FAT3: variants seen among roughly 807,000 people sequenced by gnomAD.
FAT3 encodes the protein FAT atypical cadherin 3.
In FAT3, 95 loss-of-function variants were observed where a neutral mutation model predicts 310.2. The ratio of observed to expected loss-of-function variants is 0.31; its 90% confidence interval spans 0.26 to 0.36. FAT3 has a LOEUF of 0.36. Ranked by LOEUF, FAT3 falls within the 10% of genes least tolerant of loss-of-function variation. The probability of loss-of-function intolerance (pLI) is 1.00; values close to 1 mark genes in which losing one functional copy is unlikely to be tolerated. For synonymous variants in FAT3, 2,314 were observed against 2,192.9 expected (o/e 1.06, Z -1.54); for missense variants, 5,408 against 5,715.6 (o/e 0.95, Z 1.74).
intron 1 of FAT3, among the ~76,000 whole-genome samples, chr11:92,228,567 C>G (rs1478771911): frequency 6.6e-6 from 1 of 152,188 alleles, no homozygotes; most frequent in Non-Finnish European, 1.5e-5. Flanking sequence ...CTTAGCTAAT[C>G]TGGCTGATGA....
At chr11:92,461,663 A>G (rs1951641817) in intron 2 of FAT3, among the ~76,000 whole-genome samples, 1 of 152,106 alleles carries the variant, frequency 6.6e-6, no homozygotes, top group African/African-American at 2.4e-5. Flanking sequence ...AAAGTTAAAA[A>G]CAGATTGGCT....
intron 2 of FAT3, among the ~76,000 whole-genome samples, chr11:92,436,700 C>T (rs1950947587): frequency 1.3e-5 from 2 of 152,164 alleles, no homozygotes; most frequent in South Asian, 4.1e-4. Context: ...AGACAAGCCT[C>T]TGGCTCGATG....
At chr11:92,305,252 G>C (rs1947090838) in intron 1 of FAT3, among the ~76,000 whole-genome samples, 1 of 152,082 alleles carries the variant, frequency 6.6e-6, no homozygotes, top group Non-Finnish European at 1.5e-5. Flanking sequence ...AGCTATGTTG[G>C]TTTCAGAGTA....
At chr11:92,377,658 C>T (rs763091048) in intron 2 of FAT3, among the ~76,000 whole-genome samples, 3 of 152,132 alleles carry the variant, frequency 2.0e-5, no homozygotes, top group Non-Finnish European at 2.9e-5. Context: ...TCCTCTCATT[C>T]CTTATTTCTG....
intron 7 of FAT3, among the ~76,000 whole-genome samples, chr11:92,781,048 A>G (rs1326689922): frequency 8.4e-6 from 1 of 119,164 alleles, no homozygotes; most frequent in African/African-American, 2.9e-5. Flanking sequence ...TTTAAGTAAT[A>G]AGGTTCTTTT....
chr11:92,882,734 G>T lies in FAT3; in HGVS notation c.12282-4G>T. The stretch of plus-strand genomic sequence containing the variant: ...GGTGGGGAGGGGCTTCTGTGTCGCC[G>T]CAGGTGTGAGGAGGACATCAATGAG... On this transcript the variant is annotated splice_region_variant and splice_polypyrimidine_tract_variant and intron_variant, in intron 23 of 27. Coordinates refer to ENST00000525166, the MANE Select transcript of FAT3 (RefSeq NM_001367949.2). 6.3e-7 allele frequency: 1 copy of T among 1,589,604 alleles called. No individual in the cohort carries two copies. Among genetic ancestry groups the T allele is most frequent in the Non-Finnish European group, 8.6e-7 (1 of 1,165,600 alleles).
At chr11:92,540,609 A>G (rs1483056002) in intron 3 of FAT3, among the ~76,000 whole-genome samples, 2 of 152,188 alleles carry the variant, frequency 1.3e-5, no homozygotes, top group Non-Finnish European at 1.5e-5. Context: ...CTTGGATTTC[A>G]GTAATTTCTG....
At position 92,826,885 on chromosome 11, in the gene FAT3, A is replaced by G. The variant is rs571361331; in HGVS notation, c.9482-4737A>G. On this transcript the variant is annotated intron_variant, in intron 13 of 27. Transcript: ENST00000525166. Reference sequence around the variant, plus strand: ...GTCAGGGCAGCTGCCAGCACAAGACACCAAACCAGGCAGAACATAGCTCTT... The same window carrying G: ...GTCAGGGCAGCTGCCAGCACAAGACGCCAAACCAGGCAGAACATAGCTCTT... 3.5e-3 allele frequency among the ~76,000 whole-genome samples: 526 copies of G among 152,308 alleles called. 3 individuals are homozygous for G. The highest frequency in any genetic ancestry group is 0.012 in the African/African-American group (502 of 41,562).
chr11:92,506,196 C>T (rs780646799), intron 2 of FAT3, among the ~76,000 whole-genome samples: 20 of 152,138 alleles, frequency 1.3e-4, no homozygotes, highest in Non-Finnish European at 8.8e-5. Flanking sequence ...TTTTTGCAAA[C>T]CTTTCTGTTG....
chr11:92,589,415 C>T (rs1439091001), intron 3 of FAT3, among the ~76,000 whole-genome samples: 1 of 152,008 alleles, frequency 6.6e-6, no homozygotes, highest in African/African-American at 2.4e-5. Flanking sequence ...TGTCAAAGGA[C>T]ACATGACTAG....
intron 13 of FAT3, among the ~76,000 whole-genome samples, chr11:92,825,183 T>C (rs1948071822): frequency 6.6e-6 from 1 of 152,222 alleles, no homozygotes. Flanking sequence ...ACTGTGTGCA[T>C]CACCTGCATA....
chr11:92,300,281 A>G (rs1946962459), intron 1 of FAT3, among the ~76,000 whole-genome samples: 1 of 152,086 alleles, frequency 6.6e-6, no homozygotes, highest in South Asian at 2.1e-4. Context: ...CAGCCCTTCA[A>G]TCAAATTCAT....
intron 7 of FAT3, among the ~76,000 whole-genome samples, chr11:92,783,814 A>T (rs192636228): frequency 6.6e-6 from 1 of 152,298 alleles, no homozygotes; most frequent in African/African-American, 2.4e-5. Context: ...ATTTTACTGT[A>T]TGTATAGATC....
At chr11:92,889,680 T>C (rs1949871610) in intron 26 of FAT3, among the ~76,000 whole-genome samples, 176 bp from the exon 27 acceptor site, 1 of 152,232 alleles carries the variant, frequency 6.6e-6, no homozygotes, top group African/African-American at 2.4e-5. Flanking sequence ...TTATCTGTTT[T>C]GTTTTGCTTT....
At chr11:92,351,882 C>G (rs1948576902) in intron 1 of FAT3, among the ~76,000 whole-genome samples, 1 of 152,138 alleles carries the variant, frequency 6.6e-6, no homozygotes, top group African/African-American at 2.4e-5. Context: ...CACTTGAAAA[C>G]AATTCTTACA....
chr11:92,891,039 G>A lies in FAT3; in HGVS notation c.13696G>A (p.Glu4566Lys), dbSNP rs372565490. The part of the protein sequence containing the change: ...DDSEVAMSDY[E>K]SVGELSLASL... ...TTCCGAAGTAGCCATGAGTGACTACGAGAGCGTGGGAGAGCTCAGCCTCGC... is the reference window on the plus strand; with the variant it reads ...TTCCGAAGTAGCCATGAGTGACTACAAGAGCGTGGGAGAGCTCAGCCTCGC... Residue 4566 changes from glutamate to lysine, a missense_variant, in exon 28 of 28, where the codon GAG (glutamate) becomes AAG (lysine). By Grantham distance (56) the Glu-to-Lys change is moderately conservative. Coordinates refer to ENST00000525166, the MANE Select transcript of FAT3 (RefSeq NM_001367949.2). 74 of 1,613,646 alleles carry A rather than the reference G, an allele frequency of 4.6e-5. No homozygotes were observed. The highest frequency in any genetic ancestry group is 1.6e-4 in the Middle Eastern group (1 of 6,084).
intron 2 of FAT3, among the ~76,000 whole-genome samples, chr11:92,437,866 G>A (rs1288063216): frequency 2.0e-5 from 3 of 152,164 alleles, no homozygotes; most frequent in Admixed American, 2.0e-4. Context: ...GGATCAGCAT[G>A]GGGGTCACTG....
Position 92,444,668 on chromosome 11 carries a change from G to C in FAT3, c.3293-79966G>C, listed in dbSNP as rs897738624. Reference sequence around the variant, plus strand: ...TATTAATGGATATTACTGGGGGGGGGGGAAAACATACAGTTTATATTATTT... The same window carrying C: ...TATTAATGGATATTACTGGGGGGGGCGGAAAACATACAGTTTATATTATTT... On this transcript the variant is annotated intron_variant, in intron 2 of 27. Transcript: ENST00000525166. Among the ~76,000 whole-genome samples the C allele has an allele frequency of 3.0e-5, 4 of 135,170 alleles. 1 individual carries two copies. The highest frequency in any genetic ancestry group is 5.0e-4 in the East Asian group (2 of 4,010). 88.7% of individuals were successfully genotyped at this position (135,170 alleles called of 152,430 possible).
intron 2 of FAT3, among the ~76,000 whole-genome samples, chr11:92,467,766 T>A (rs1423520676): frequency 6.6e-6 from 1 of 152,184 alleles, no homozygotes; most frequent in Non-Finnish European, 1.5e-5. Flanking sequence ...GCAATAGCAT[T>A]TCTGTTTTTG....
Sources: allele counts gnomAD v4.1 joint callset (sites outside exome capture counted in the v4.1 genomes callset), GRCh38; gene constraint gnomAD v4.1.1; transcripts MANE v1.5; gene names NCBI Gene and HGNC (gene_info 2026-07-23, HGNC 2026-07-21).